Variants in DCC observed in about 807,000 individuals in gnomAD.
DCC encodes DCC netrin 1 receptor, also known as netrin receptor DCC.
In DCC, 58 loss-of-function variants were observed where a neutral mutation model predicts 172.5. The ratio of observed to expected loss-of-function variants is 0.34; its 90% CI spans 0.27 to 0.42. The LOEUF is 0.42. Among genes scored for constraint, DCC ranks in the 10% least tolerant of loss-of-function variants. The pLI is 1.00. For synonymous variants in DCC, 709 were observed against 644.5 expected, an observed-to-expected ratio of 1.10 and a Z score of -1.52; for missense variants, 1,740 against 1,791.0, an observed-to-expected ratio of 0.97 and a Z score of 0.51.
intron 1 of DCC, among the ~76,000 whole-genome samples, chr18:52,459,918 C>T (rs12458565): frequency 0.01 from 1,545 of 151,278 alleles, 61 homozygotes; most frequent in Admixed American, 0.066. Flanking sequence ...TATATACACA[C>T]ATATATATAT....
At chr18:53,219,947 C>G (rs951138984) in intron 12 of DCC, among the ~76,000 whole-genome samples, 32 of 152,092 alleles carry the variant, frequency 2.1e-4, no homozygotes, top group African/African-American at 6.5e-4. Flanking sequence ...TATGGGATAA[C>G]TGCAGAAGGA....
intron 7 of DCC, among the ~76,000 whole-genome samples, chr18:53,137,401 C>A (rs945394427): frequency 2.0e-5 from 3 of 152,230 alleles, no homozygotes; most frequent in Non-Finnish European, 4.4e-5. Flanking sequence ...TGAGGCCACT[C>A]AGCGTTCCTG....
At chr18:53,326,780 A>G (rs1342915613) in intron 14 of DCC, among the ~76,000 whole-genome samples, 1 of 152,216 alleles carries the variant, frequency 6.6e-6, no homozygotes, top group African/African-American at 2.4e-5. Context: ...AAATTTCCAT[A>G]TAGAATTGCT....
At chr18:52,384,886 C>T (rs1341860450) in intron 1 of DCC, among the ~76,000 whole-genome samples, 1 of 152,036 alleles carries the variant, frequency 6.6e-6, no homozygotes, top group Admixed American at 6.5e-5. Context: ...GTAACATACA[C>T]AAGCAATAAT....
At chr18:53,006,103 A>T (rs534915134) in intron 5 of DCC, among the ~76,000 whole-genome samples, 1 of 152,358 alleles carries the variant, frequency 6.6e-6, no homozygotes, top group East Asian at 1.9e-4. Context: ...GTGTGTCTTC[A>T]GTCATTATGC....
intron 1 of DCC, among the ~76,000 whole-genome samples, chr18:52,738,918 A>G (rs1025924367): frequency 6.8e-5 from 10 of 147,830 alleles, no homozygotes; most frequent in Non-Finnish European, 1.2e-4. Flanking sequence ...AAAAAAAAAA[A>G]GAATGTTTTT....
chr18:52,573,105 A>G (rs1402104641), intron 1 of DCC, among the ~76,000 whole-genome samples: 1 of 152,202 alleles, frequency 6.6e-6, no homozygotes, highest in Non-Finnish European at 1.5e-5. Context: ...ATACCTTTAG[A>G]ATGCATTTTG....
chr18:52,488,320 C>A (rs867743294), intron 1 of DCC, among the ~76,000 whole-genome samples: 57 of 152,138 alleles, frequency 3.7e-4, no homozygotes, highest in African/African-American at 1.3e-3. Flanking sequence ...AATTGAAAAA[C>A]CTTCCTACTT....
intron 1 of DCC, among the ~76,000 whole-genome samples, chr18:52,507,702 A>G (rs1385129955): frequency 2.0e-5 from 3 of 152,230 alleles, no homozygotes; most frequent in Non-Finnish European, 2.9e-5. Context: ...TTTCTCAAAT[A>G]GATCAAAATC....
chr18:52,967,920 T>C (rs928451457), intron 5 of DCC, among the ~76,000 whole-genome samples: 2 of 152,190 alleles, frequency 1.3e-5, no homozygotes, highest in African/African-American at 4.8e-5. Flanking sequence ...TATGTAGTTA[T>C]TTAATGCATC....
chr18:52,954,670 T>A (rs1339148129), intron 5 of DCC, among the ~76,000 whole-genome samples: 1 of 152,174 alleles, frequency 6.6e-6, no homozygotes, highest in Non-Finnish European at 1.5e-5. Context: ...TTCTTACAAC[T>A]GATTATTTAA....
intron 5 of DCC, among the ~76,000 whole-genome samples, chr18:52,950,909 G>A (rs948711657): frequency 2.7e-5 from 3 of 109,702 alleles, no homozygotes; most frequent in African/African-American, 1.0e-4. Flanking sequence ...TAGCCTGGGC[G>A]ACAGAGTGAG....
intron 5 of DCC, among the ~76,000 whole-genome samples, chr18:52,998,893 A>G (rs1427170510): frequency 6.6e-6 from 1 of 152,078 alleles, no homozygotes; most frequent in Admixed American, 6.6e-5. Context: ...AATCGTTGTC[A>G]GGAAGCAAGT....
rs902467179 is a variant in DCC, at chr18:53,113,479, T to TA, written c.1262-43870dup. Reference sequence around the variant, plus strand: ...TTCATTAGTTCAGATATTTTTCCTTTAAAAAAACAGATTCTATTTTTCTTT... The same window carrying TA: ...TTCATTAGTTCAGATATTTTTCCTTTAAAAAAAACAGATTCTATTTTTCTTT... On this transcript the variant is annotated intron_variant, in intron 7 of 28. Transcript: ENST00000442544. 6.6e-5 allele frequency among the ~76,000 whole-genome samples: 10 copies of TA among 151,506 alleles called. No homozygotes were observed. In the East Asian group the frequency reaches 1.6e-3, roughly 24 times the overall value.
intron 1 of DCC, among the ~76,000 whole-genome samples, chr18:52,728,782 C>A (rs2036591950): frequency 6.6e-6 from 1 of 152,154 alleles, no homozygotes; most frequent in Non-Finnish European, 1.5e-5. Context: ...GTCTCCATAG[C>A]CAATAGTTGA....
At chr18:52,607,883 A>C (rs890637124) in intron 1 of DCC, among the ~76,000 whole-genome samples, 1 of 152,144 alleles carries the variant, frequency 6.6e-6, no homozygotes, top group South Asian at 2.1e-4. Flanking sequence ...GAGAGATAAC[A>C]CTTGAGTAGG....
At chr18:52,413,676 A>G (rs1427194968) in intron 1 of DCC, among the ~76,000 whole-genome samples, 1 of 152,066 alleles carries the variant, frequency 6.6e-6, no homozygotes, top group African/African-American at 2.4e-5. Flanking sequence ...TATCTCTATG[A>G]GGTTTTTAAT....
intron 1 of DCC, among the ~76,000 whole-genome samples, chr18:52,382,638 C>A (rs948917385): frequency 6.6e-6 from 1 of 151,980 alleles, no homozygotes; most frequent in Admixed American, 6.6e-5. Context: ...TTGGAGACAG[C>A]CAACAATGAC....
At chr18:53,510,623 G>A (rs1229657120) in intron 27 of DCC, among the ~76,000 whole-genome samples, 2 of 152,246 alleles carry the variant, frequency 1.3e-5, no homozygotes, top group East Asian at 3.9e-4. Context: ...AACTAAAGAA[G>A]CTCTAAAGCC....
Sources: gnomAD v4.1 joint callset for allele counts (sites outside exome capture counted in the v4.1 genomes callset) on GRCh38, gnomAD v4.1.1 for gene constraint, MANE v1.5 for transcripts, NCBI Gene and HGNC (gene_info 2026-07-23, HGNC 2026-07-21) for gene names.